Variants in LCLAT1 observed in about 807,000 individuals in gnomAD.
LCLAT1 encodes the protein 1-AGP acyltransferase 8.
A neutral mutation model predicts 30.7 loss-of-function variants in LCLAT1; 11 were observed. That is an observed-to-expected ratio of 0.36 (90% CI 0.23 to 0.59). LCLAT1 has a LOEUF of 0.59. LCLAT1 is among the 20% of genes least tolerant of loss of function. The pLI is 0.77. For missense variants in LCLAT1, 402 were observed against 458.6 expected, an observed-to-expected ratio of 0.88 and a Z score of 1.13; for synonymous variants, 155 against 151.3, an observed-to-expected ratio of 1.02 and a Z score of -0.18.
intron 1 of LCLAT1, chr2:30,459,810 G>A (rs1682021516): frequency 2.3e-6 from 2 of 883,272 alleles, no homozygotes; most frequent in African/African-American, 1.7e-5. Flanking sequence ...ATCATAGTTT[G>A]TTCCTGTTTA....
intron 1 of LCLAT1, among the ~76,000 whole-genome samples, chr2:30,516,341 C>T (rs760219311): frequency 8.5e-5 from 13 of 152,284 alleles, no homozygotes; most frequent in Admixed American, 6.5e-4. Flanking sequence ...CACTGCTGAA[C>T]GTCGCCGTCG....
chr2:30,594,380 T>C (rs1666831071), intron 5 of LCLAT1, among the ~76,000 whole-genome samples: 2 of 152,194 alleles, frequency 1.3e-5, no homozygotes, highest in Admixed American at 1.3e-4. Flanking sequence ...TAGAGTCTCC[T>C]CCAAGCATTT....
At chr2:30,598,953 T>C (rs1448862521) in intron 5 of LCLAT1, among the ~76,000 whole-genome samples, 2 of 151,778 alleles carry the variant, frequency 1.3e-5, no homozygotes, top group Non-Finnish European at 2.9e-5. Context: ...TGTAGTTGTA[T>C]GATTTTGAGT....
At chr2:30,610,748 G>C (rs1191311332) in intron 5 of LCLAT1, among the ~76,000 whole-genome samples, 2 of 152,122 alleles carry the variant, frequency 1.3e-5, no homozygotes, top group African/African-American at 4.8e-5. Flanking sequence ...TTTCATTCCA[G>C]CTGGTTGGTC....
At chr2:30,604,319 A>C (rs937875320) in intron 5 of LCLAT1, among the ~76,000 whole-genome samples, 1 of 149,688 alleles carries the variant, frequency 6.7e-6, no homozygotes, top group African/African-American at 2.5e-5. Flanking sequence ...AAGACGACTA[A>C]GAGAAGATTT....
intron 5 of LCLAT1, among the ~76,000 whole-genome samples, chr2:30,639,776 T>C (rs2148539709): frequency 6.6e-6 from 1 of 152,354 alleles, no homozygotes; most frequent in Middle Eastern, 3.4e-3. Context: ...AACTGAATTC[T>C]ATTGGTGTTT....
chr2:30,466,229 TTTTTCTTTTC>T (rs377542663), intron 1 of LCLAT1, among the ~76,000 whole-genome samples: 3 of 149,606 alleles, frequency 2.0e-5, no homozygotes, highest in African/African-American at 4.9e-5. Context: ...GTGTTTTCTT[TTTTTCTTTTC>T]TTTTCTTTTC....
At chr2:30,587,715 C>T (rs1666507999) in intron 5 of LCLAT1, among the ~76,000 whole-genome samples, 1 of 151,834 alleles carries the variant, frequency 6.6e-6, no homozygotes, top group African/African-American at 2.4e-5. Context: ...TTTATAATTT[C>T]CTCTTTCCTA....
chr2:30,530,072 T>C (rs1685912754), intron 2 of LCLAT1, among the ~76,000 whole-genome samples: 1 of 152,230 alleles, frequency 6.6e-6, no homozygotes, highest in Non-Finnish European at 1.5e-5. Flanking sequence ...TAAAAGATCC[T>C]TGGAAAATGC....
At chr2:30,549,899 A>G (rs907963788) in intron 3 of LCLAT1, among the ~76,000 whole-genome samples, 1 of 152,232 alleles carries the variant, frequency 6.6e-6, no homozygotes, top group African/African-American at 2.4e-5. Context: ...TCTGAGTGTT[A>G]CACTGTTGTG....
At position 30,467,208 on chromosome 2, in the gene LCLAT1, C is replaced by G. The variant is rs906706888; in HGVS notation, c.-5+19825C>G. ...CGTGGTATTTGGTTTTTTGTCCTTG[C>G]AATAGTTTGCTGAGAATGATGGTTT... On this transcript the variant is annotated intron_variant, in intron 1 of 5. Transcript: ENST00000379509. 2.1e-4 allele frequency among the ~76,000 whole-genome samples: 32 copies of G among 152,086 alleles called. 1 individual carries two copies. Among genetic ancestry groups the G allele is most frequent in the Non-Finnish European group, 8.8e-5 (6 of 68,010 alleles).
chr2:30,553,538 G>A (rs769205380), intron 3 of LCLAT1, among the ~76,000 whole-genome samples: 10 of 152,212 alleles, frequency 6.6e-5, no homozygotes, highest in African/African-American at 2.2e-4. Context: ...ACAAATTGCC[G>A]GGCGCGGTGG....
At chr2:30,577,813 T>A (rs35226136) in intron 5 of LCLAT1, among the ~76,000 whole-genome samples, 4 of 152,234 alleles carry the variant, frequency 2.6e-5, no homozygotes, top group African/African-American at 9.6e-5. Flanking sequence ...TTCTTCTTTG[T>A]CTTTGACCAT....
intron 1 of LCLAT1, among the ~76,000 whole-genome samples, chr2:30,449,761 A>C (rs986477703): frequency 1.3e-5 from 2 of 152,126 alleles, no homozygotes; most frequent in Non-Finnish European, 2.9e-5. Context: ...CAGCCTCCCA[A>C]AGTGTTGGGA....
intron 1 of LCLAT1, among the ~76,000 whole-genome samples, chr2:30,498,585 G>A (rs1319513428): frequency 6.6e-6 from 1 of 152,088 alleles, no homozygotes; most frequent in Non-Finnish European, 1.5e-5. Flanking sequence ...TTTTACCAAG[G>A]ACTCACCCCA....
intron 1 of LCLAT1, among the ~76,000 whole-genome samples, chr2:30,477,367 A>G (rs1558463012): frequency 1.3e-5 from 2 of 152,206 alleles, no homozygotes; most frequent in African/African-American, 4.8e-5. Flanking sequence ...TGGAGAAAAT[A>G]TGGAATACAT....
intron 5 of LCLAT1, among the ~76,000 whole-genome samples, chr2:30,623,046 ATTTTTTTTTTTTTTTT>A (rs34283582): frequency 1.2e-5 from 1 of 83,240 alleles, no homozygotes; most frequent in Non-Finnish European, 2.2e-5. Flanking sequence ...AATTCAAAGA[ATTTTTTTTTTTTTTTT>A]TTTTTTTTTG....
intron 5 of LCLAT1, among the ~76,000 whole-genome samples, chr2:30,633,980 A>G (rs189302004): frequency 1.3e-5 from 2 of 152,322 alleles, no homozygotes; most frequent in East Asian, 3.9e-4. Context: ...GGACTCTTAT[A>G]ATAGTCGTGG....
chr2:30,588,532 C>T (rs368963282), intron 5 of LCLAT1, among the ~76,000 whole-genome samples: 1 of 152,102 alleles, frequency 6.6e-6, no homozygotes, highest in African/African-American at 2.4e-5. Context: ...GCCTCAAACT[C>T]TCCTCTTCTC....
Sources: gnomAD v4.1 joint callset for allele counts (sites outside exome capture counted in the v4.1 genomes callset) on GRCh38, gnomAD v4.1.1 for gene constraint, MANE v1.5 for transcripts, NCBI Gene and HGNC (gene_info 2026-07-23, HGNC 2026-07-21) for gene names.